The following URM1 variants were observed in gnomAD, a reference collection of about 807,000 sequenced individuals.
URM1 encodes the protein ubiquitin-related modifier 1.
In URM1, 11 loss-of-function variants were observed where a neutral mutation model predicts 17.7. The ratio of observed to expected loss-of-function variants is 0.62; its 90% CI spans 0.39 to 1.03. URM1 has a LOEUF of 1.03. Ranked by LOEUF, URM1 falls within the 50% of genes least tolerant of loss-of-function variation. URM1 has a pLI of 0.00. For synonymous variants in URM1, 48 were observed against 50.6 expected (o/e 0.95, Z 0.22); for missense variants, 128 against 129.2 (o/e 0.99, Z 0.04).
At position 128,378,102 on chromosome 9, in the gene URM1, A is replaced by G; in HGVS notation, c.102A>G (p.Glu34=). ...GAGTCACTTTGCCTGGACAGGAGGA[A>G]CCCTGTGAGTATTGGCTTTCTGAAC... ...KHRVTLPGQE[E]PWDIRNLLIW... Residue 34 remains glutamate, a synonymous_variant, in exon 2 of 5, where the codon GAA becomes GAG. Transcript: ENST00000372853. 1 of 1,603,630 alleles carries G rather than the reference A, an allele frequency of 6.2e-7. No individual in the cohort carries two copies.
chr9:128,389,798 G>A lies in URM1; in HGVS notation c.*64G>A. The stretch of plus-strand genomic sequence containing the variant: ...ACGAAGCAATCAGACATCCCCTTGG[G>A]CCCTGCTTCCAGGTCTCCCTGTCCC... On this transcript the variant is annotated 3_prime_UTR_variant, in exon 5 of 5. Coordinates refer to ENST00000372853, the MANE Select transcript of URM1 (RefSeq NM_030914.4). The A allele has an allele frequency of 6.2e-7, 1 of 1,605,160 alleles. No homozygotes were observed. The highest frequency in any genetic ancestry group is 8.5e-7 in the Non-Finnish European group (1 of 1,174,694).
chr9:128,378,456 G>A lies in URM1; in HGVS notation c.106+350G>A, dbSNP rs189430997. 5.0e-3 allele frequency among the ~76,000 whole-genome samples: 659 copies of A among 131,648 alleles called. 9 individuals are homozygous for A. Among genetic ancestry groups the A allele is most frequent in the African/African-American group, 0.018 (630 of 35,126 alleles). The allele number at this position is 131,648 out of a possible 152,430, so 86.4% of individuals were successfully genotyped here. The stretch of plus-strand genomic sequence containing the variant: ...GGAGGCTGAGGCAGGAGAATTGCTT[G>A]AACCGGAACCTGGGAGGCGGAGGTT... On this transcript the variant is annotated intron_variant, in intron 2 of 4. Transcript: ENST00000372853.
intron 1 of URM1, among the ~76,000 whole-genome samples, chr9:128,375,644 C>G (rs538999681): frequency 6.6e-6 from 1 of 152,290 alleles, no homozygotes; most frequent in African/African-American, 2.4e-5. Flanking sequence ...ACTGCAGCCT[C>G]AACCTCCCAG....
rs1833315320 is a variant in URM1, at chr9:128,391,551, TAGA to T, written c.*1820_*1822del. On this transcript the variant is annotated 3_prime_UTR_variant, in exon 5 of 5. Transcript: ENST00000372853. ...GAACAGCTCCCTACAGCTGCACTTC[TAGA>T]AGGTCAGCCTGTCCGATTCTTGTAA... 6.6e-6 allele frequency: 1 copy of T among 152,238 alleles called. No homozygotes were observed. The highest frequency in any genetic ancestry group is 1.5e-5 in the Non-Finnish European group (1 of 68,088). The allele number at this position is 152,238 out of a possible 1,614,324, so 9.4% of individuals were successfully genotyped here. A position where few individuals can be genotyped will look rare whatever the true frequency, so the allele number is the denominator to read the frequency against.
chr9:128,387,670 T>C lies in URM1; in HGVS notation c.107-146T>C, dbSNP rs923821202. ...CTAACCTGTTTCCTCACCTTTGGAA[T>C]CTACAAGTTCATGGGCTATCACAGC... On this transcript the variant is annotated intron_variant, in intron 2 of 4. Coordinates refer to ENST00000372853, the MANE Select transcript of URM1 (RefSeq NM_030914.4). The surrounding 1 kb of genome is among the most constrained non-coding windows in gnomAD (Gnocchi z 4.3). 3.0e-5 allele frequency: 40 copies of C among 1,345,564 alleles called. No individual in the cohort carries two copies. The highest frequency in any genetic ancestry group is 4.4e-5 in the Admixed American group (2 of 45,952). The allele number at this position is 1,345,564 out of a possible 1,614,324, so 83.4% of individuals were successfully genotyped here.
At chr9:128,379,029 A>C (rs1258798934) in intron 2 of URM1, among the ~76,000 whole-genome samples, 3 of 151,464 alleles carry the variant, frequency 2.0e-5, no homozygotes, top group African/African-American at 7.3e-5. Flanking sequence ...TGGGGACCGG[A>C]TATGGCAGGT....
At position 128,380,821 on chromosome 9, in the gene URM1, T is replaced by G. The variant is rs117917277; in HGVS notation, c.106+2715T>G. ...TGGCTAATTTGTGTATGTTTTTTTTTGTTTGTTTTGTTGTTGTTTTTGAGA... is the reference window on the plus strand; with the variant it reads ...TGGCTAATTTGTGTATGTTTTTTTTGGTTTGTTTTGTTGTTGTTTTTGAGA... On this transcript the variant is annotated intron_variant, in intron 2 of 4. Transcript: ENST00000372853. Among the ~76,000 whole-genome samples, 670 of 151,682 alleles carry G rather than the reference T, an allele frequency of 4.4e-3. 18 individuals carry two copies. In the East Asian group the frequency reaches 0.088, roughly 20 times the overall value.
intron 3 of URM1, chr9:128,388,980 G>A (rs1236164504): frequency 2.4e-6 from 3 of 1,263,120 alleles, no homozygotes; most frequent in Non-Finnish European, 2.0e-6. Context: ...TTCAGATGAG[G>A]AACCTGATAC....
intron 2 of URM1, among the ~76,000 whole-genome samples, chr9:128,385,070 A>G (rs1833208743): frequency 6.6e-6 from 1 of 152,164 alleles, no homozygotes; most frequent in Non-Finnish European, 1.5e-5. Context: ...GATACCGCTG[A>G]GGTTCACTGG....
intron 1 of URM1, among the ~76,000 whole-genome samples, chr9:128,377,400 C>T (rs555209328): frequency 1.3e-5 from 2 of 152,212 alleles, no homozygotes; most frequent in South Asian, 2.1e-4. Context: ...GGGCCAGGCG[C>T]GGTGGCTCAT....
chr9:128,391,597 A>G lies in URM1; in HGVS notation c.*1863A>G, dbSNP rs1833315833. 1 of 152,212 alleles carries G rather than the reference A, an allele frequency of 6.6e-6. No homozygotes were observed. The highest frequency in any genetic ancestry group is 2.4e-5 in the African/African-American group (1 of 41,382). The allele number at this position is 152,212 out of a possible 1,614,324, so 9.4% of individuals were successfully genotyped here. ...TCTTGTAACCTGGAGGTCCCTCCCC[A>G]TCTGCAGCCCCCTGAGCTGCAGGAG... On this transcript the variant is annotated 3_prime_UTR_variant, in exon 5 of 5. Coordinates refer to ENST00000372853, the MANE Select transcript of URM1 (RefSeq NM_030914.4).
In URM1 at chr9:128,390,087, A is replaced by G; in HGVS notation, c.*353A>G. The G allele has an allele frequency of 3.4e-6, 1 of 290,752 alleles. No individual in the cohort carries two copies. The highest frequency in any genetic ancestry group is 6.4e-6 in the Non-Finnish European group (1 of 155,388). 18.0% of individuals were successfully genotyped at this position (290,752 alleles called of 1,614,324 possible). A position where few individuals can be genotyped will look rare whatever the true frequency, so the allele number is the denominator to read the frequency against. ...GTCTAAACATGGAGTGGCCGCTGAC[A>G]AGGCGCTCCAGCCCCAGAGCCAGCG... On this transcript the variant is annotated 3_prime_UTR_variant, in exon 5 of 5. Transcript: ENST00000372853.
chr9:128,377,886 TTA>T, intron 1 of URM1, 148 bp from the exon 2 acceptor site: 1 of 706,748 alleles, frequency 1.4e-6, no homozygotes, highest in Non-Finnish European at 2.5e-6. Flanking sequence ...AGAAAAAGAA[TTA>T]GTCACTGCAC....
intron 1 of URM1, among the ~76,000 whole-genome samples, chr9:128,376,929 T>TGA (rs1361804070): frequency 6.6e-6 from 1 of 152,104 alleles, no homozygotes; most frequent in Non-Finnish European, 1.5e-5. Context: ...AAGCCTGCAG[T>TGA]GAGCTGTGAT....
intron 1 of URM1, 109 bp from the exon 2 acceptor site, chr9:128,377,927 C>T (rs1833098711): frequency 6.2e-6 from 7 of 1,126,076 alleles, no homozygotes; most frequent in South Asian, 5.3e-5. Context: ...TTAGTCTCTG[C>T]TTCTCTCGGC....
intron 1 of URM1, among the ~76,000 whole-genome samples, chr9:128,376,503 A>C (rs1263949839): frequency 6.6e-6 from 1 of 151,824 alleles, no homozygotes; most frequent in African/African-American, 2.4e-5. Flanking sequence ...ATTAAAAAAA[A>C]ATACAAAAAT....
At chr9:128,381,673 A>G (rs4837263) in intron 2 of URM1, among the ~76,000 whole-genome samples, 151,840 of 152,374 alleles carry the variant, frequency 1, 75,657 homozygotes, top group East Asian at 1. Context: ...GGCGCAGAGC[A>G]AGACTCCGTC....
intron 2 of URM1, among the ~76,000 whole-genome samples, chr9:128,382,939 G>A (rs1301646058): frequency 6.6e-6 from 1 of 152,074 alleles, no homozygotes; most frequent in Non-Finnish European, 1.5e-5. Context: ...CCCCTGCCCA[G>A]GCCCCAAGTG....
chr9:128,371,330 C>T (rs1289755725), upstream of URM1: 4 of 1,596,120 alleles, frequency 2.5e-6, no homozygotes, highest in African/African-American at 2.7e-5. Flanking sequence ...CGGAAATTTG[C>T]GGGCGCGCCG....
Sources: gnomAD v4.1 joint callset for allele counts (sites outside exome capture counted in the v4.1 genomes callset) on GRCh38, gnomAD v4.1.1 for gene constraint, Gnocchi (gnomAD v3.1) non-coding constraint, MANE v1.5 for transcripts, NCBI Gene and HGNC (gene_info 2026-07-23, HGNC 2026-07-21) for gene names.